The following TBC1D19 variants were observed in gnomAD, a reference collection of about 807,000 sequenced individuals.
TBC1D19 encodes TBC1 domain family, member 19.
Under a neutral mutation model 89.0 loss-of-function variants are expected in TBC1D19, and 60 were observed. The observed-to-expected ratio is 0.67, with a 90% CI of 0.55 to 0.84. TBC1D19 has a LOEUF of 0.84. Among genes scored for constraint, TBC1D19 ranks in the 40% least tolerant of loss-of-function variants. The pLI is 0.00. For missense variants in TBC1D19, 500 were observed against 610.8 expected (o/e 0.82, Z 1.91); for synonymous variants, 189 against 199.7 (o/e 0.95, Z 0.45).
the TBC1D19 span, among the ~76,000 whole-genome samples, chr4:26,761,618 A>G: frequency 4.6e-5 from 7 of 152,086 alleles, no homozygotes; most frequent in Non-Finnish European, 7.4e-5. Flanking sequence ...GGGATTTTCC[A>G]TATATACAGT....
the TBC1D19 span, among the ~76,000 whole-genome samples, chr4:26,824,582 T>C: frequency 1.2e-4 from 18 of 152,374 alleles, 1 homozygote; most frequent in East Asian, 2.9e-3. Context: ...TTCGTATGCA[T>C]ATTTATGAAC....
At chr4:26,756,488 G>C (rs1240981615), downstream of TBC1D19, among the ~76,000 whole-genome samples, 4 of 152,168 alleles carry the variant, frequency 2.6e-5, no homozygotes, top group East Asian at 7.7e-4. Flanking sequence ...CTCAGATGGG[G>C]GAATTTTGGT....
the TBC1D19 span, among the ~76,000 whole-genome samples, chr4:26,829,605 A>G: frequency 2.6e-5 from 4 of 152,242 alleles, no homozygotes; most frequent in African/African-American, 4.8e-5. Flanking sequence ...ACACAGAAAA[A>G]GGGATAAATT....
intron 4 of TBC1D19, among the ~76,000 whole-genome samples, chr4:26,628,116 T>G (rs904546089): frequency 3.9e-5 from 6 of 152,210 alleles, no homozygotes; most frequent in African/African-American, 1.4e-4. Flanking sequence ...GCTAGCCAGT[T>G]TTCCCAGCAT....
rs554232127 is a variant in TBC1D19, at chr4:26,734,930, ATG to A, written c.1085-519_1085-518del. 7.3e-3 allele frequency among the ~76,000 whole-genome samples: 549 copies of A among 75,008 alleles called. 3 individuals carry two copies. Among genetic ancestry groups the A allele is most frequent in the African/African-American group, 0.02 (520 of 26,364 alleles). The allele number at this position is 75,008 out of a possible 152,430, so 49.2% of individuals were successfully genotyped here. On this transcript the variant is annotated intron_variant, in intron 15 of 20. Coordinates refer to ENST00000264866, the MANE Select transcript of TBC1D19 (RefSeq NM_018317.4). ...TACACACATGTGTACATACACATAT[ATG>A]TGTGTATATATGTATACACATATGT... is the stretch of plus-strand genomic sequence containing the variant.
At chr4:26,601,923 T>C (rs1740631250) in intron 1 of TBC1D19, among the ~76,000 whole-genome samples, 1 of 152,222 alleles carries the variant, frequency 6.6e-6, no homozygotes, top group Non-Finnish European at 1.5e-5. Context: ...TAGAATTGTT[T>C]CTTTTTCTAT....
At chr4:26,641,498 TA>T in intron 7 of TBC1D19, among the ~76,000 whole-genome samples, 1 of 152,328 alleles carries the variant, frequency 6.6e-6, no homozygotes, top group South Asian at 2.1e-4. Flanking sequence ...CTGAAAATTC[TA>T]AAAACCAGAG....
intron 1 of TBC1D19, 27 bp downstream of exon 1, chr4:26,584,319 G>A: frequency 6.3e-7 from 1 of 1,587,658 alleles, no homozygotes. Context: ...GGGAAGGGAT[G>A]CAGACGGGCG....
chr4:26,614,488 GT>G, intron 3 of TBC1D19, 35 bp downstream of exon 3: 1 of 1,499,120 alleles, frequency 6.7e-7, no homozygotes, highest in Non-Finnish European at 9.1e-7. Context: ...ATAGTATTTT[GT>G]TTAGCTATAT....
the TBC1D19 span, among the ~76,000 whole-genome samples, chr4:26,802,038 G>A: frequency 6.6e-5 from 10 of 152,214 alleles, no homozygotes; most frequent in Non-Finnish European, 1.0e-4. Context: ...GGCCACATTT[G>A]TTATGATTAA....
At chr4:26,715,798 C>T (rs995648958) in intron 13 of TBC1D19, among the ~76,000 whole-genome samples, 21 of 152,064 alleles carry the variant, frequency 1.4e-4, no homozygotes, top group African/African-American at 5.1e-4. Context: ...TTTGCTACAG[C>T]ACTACCAGCT....
chr4:26,637,616 C>T (rs925025478), intron 5 of TBC1D19, among the ~76,000 whole-genome samples: 2 of 152,108 alleles, frequency 1.3e-5, no homozygotes, highest in African/African-American at 4.8e-5. Flanking sequence ...TCATGATCCG[C>T]CCACCTTGGC....
At chr4:26,714,638 A>G (rs1716462303) in intron 13 of TBC1D19, among the ~76,000 whole-genome samples, 1 of 152,140 alleles carries the variant, frequency 6.6e-6, no homozygotes, top group African/African-American at 2.4e-5. Context: ...AGAATATCAT[A>G]TTATAAATAC....
intron 3 of TBC1D19, among the ~76,000 whole-genome samples, chr4:26,614,865 A>T (rs1157777091): frequency 6.6e-6 from 1 of 152,096 alleles, no homozygotes; most frequent in African/African-American, 2.4e-5. Flanking sequence ...TTTAGTAGAG[A>T]TAGGGTTTCA....
chr4:26,767,413 A>G, the TBC1D19 span, among the ~76,000 whole-genome samples: 1 of 152,132 alleles, frequency 6.6e-6, no homozygotes, highest in African/African-American at 2.4e-5. Context: ...AGATGGACTG[A>G]GTGTTTATGC....
At chr4:26,783,836 C>T in the TBC1D19 span, among the ~76,000 whole-genome samples, 1 of 151,680 alleles carries the variant, frequency 6.6e-6, no homozygotes, top group Non-Finnish European at 1.5e-5. Context: ...GCCTGGCAAC[C>T]ATGCATCTTA....
At chr4:26,584,405 G>A in intron 1 of TBC1D19, 113 bp downstream of exon 1, 1 of 956,340 alleles carries the variant, frequency 1.0e-6, no homozygotes, top group Non-Finnish European at 1.6e-6. Flanking sequence ...GCTCCGCTCT[G>A]GTGCTCAAAA....
chr4:26,801,703 C>T, the TBC1D19 span, among the ~76,000 whole-genome samples: 1 of 151,784 alleles, frequency 6.6e-6, no homozygotes, highest in African/African-American at 2.4e-5. Flanking sequence ...GTTTGTAGTT[C>T]TCCTTCAAAA....
In TBC1D19 at chr4:26,754,853, C is replaced by A. The variant is rs762558953; in HGVS notation, c.1507-20C>A. On this transcript the variant is annotated intron_variant, in intron 20 of 20. Transcript: ENST00000264866. ...AGACTTCGCTTTGCTATTAATAATT[C>A]TTTTTATTTTTTGTTTCAGGCAGTT... The A allele has an allele frequency of 2.6e-6, 4 of 1,566,312 alleles. No individual in the cohort carries two copies. Among genetic ancestry groups the A allele is most frequent in the East Asian group, 2.4e-5 (1 of 42,534 alleles).
Sources: gnomAD v4.1 joint callset for allele counts (sites outside exome capture counted in the v4.1 genomes callset) on GRCh38, gnomAD v4.1.1 for gene constraint, MANE v1.5 for transcripts, NCBI Gene and HGNC (gene_info 2026-07-23, HGNC 2026-07-21) for gene names.